The following MCU variants were observed in gnomAD, a reference collection of about 807,000 sequenced individuals.
The protein encoded by MCU is mitochondrial calcium uniporter, also known as calcium uniporter protein, mitochondrial.
MCU carries 12 observed loss-of-function variants against 45.2 expected under a neutral mutation model. The ratio of observed to expected loss-of-function variants is 0.27; its 90% CI spans 0.17 to 0.43. The LOEUF (loss-of-function observed/expected upper bound fraction) is 0.43. MCU is among the 20% of genes least tolerant of loss of function. The pLI is 1.00. For missense variants in MCU, 324 were observed against 436.7 expected, an observed-to-expected ratio of 0.74 and a Z score of 2.30; for synonymous variants, 160 against 165.1, an observed-to-expected ratio of 0.97 and a Z score of 0.24.
chr10:72,832,855 C>T (rs1196247367), intron 1 of MCU, among the ~76,000 whole-genome samples: 1 of 151,738 alleles, frequency 6.6e-6, no homozygotes, highest in Non-Finnish European at 1.5e-5. Context: ...TACTGAACCA[C>T]AAAATGAACT....
intron 1 of MCU, among the ~76,000 whole-genome samples, chr10:72,778,097 A>G (rs1005006653): frequency 6.6e-6 from 1 of 152,226 alleles, no homozygotes; most frequent in African/African-American, 2.4e-5. Context: ...TACTACAGCC[A>G]CTATGGAGAA....
At chr10:72,777,156 C>T (rs1458968687) in intron 1 of MCU, among the ~76,000 whole-genome samples, 2 of 152,088 alleles carry the variant, frequency 1.3e-5, no homozygotes, top group Non-Finnish European at 1.5e-5. Context: ...CAGTGCAATC[C>T]CTATCAAAAT....
intron 1 of MCU, among the ~76,000 whole-genome samples, chr10:72,789,485 A>G (rs1256060101): frequency 6.6e-6 from 1 of 152,134 alleles, no homozygotes; most frequent in African/African-American, 2.4e-5. Flanking sequence ...TGCTAGCTTT[A>G]TGTCATCTTA....
At chr10:72,723,075 A>T (rs922817562) in intron 1 of MCU, among the ~76,000 whole-genome samples, 8 of 152,198 alleles carry the variant, frequency 5.3e-5, no homozygotes, top group African/African-American at 1.9e-4. Flanking sequence ...AGGTGCCTGT[A>T]GTCCCAGCAA....
chr10:72,797,700 A>G (rs1554824478), intron 1 of MCU, among the ~76,000 whole-genome samples: 1 of 150,710 alleles, frequency 6.6e-6, no homozygotes, highest in Non-Finnish European at 1.5e-5. Flanking sequence ...ACGCCCGGCT[A>G]GTTTTTATAT....
rs1206044745 is a variant in MCU, at chr10:72,886,276, T to C, written c.*454T>C. On this transcript the variant is annotated 3_prime_UTR_variant, in exon 8 of 8. Coordinates refer to ENST00000373053, the MANE Select transcript of MCU (RefSeq NM_138357.3). ...CAAATTCTCATGATATGCTAAAATA[T>C]CATTAGCATTTATTTTAAATTGGAC... The C allele has an allele frequency of 1.3e-5, 2 of 153,928 alleles. No individual in the cohort carries two copies. Among genetic ancestry groups the C allele is most frequent in the African/African-American group, 4.8e-5 (2 of 41,484 alleles). 9.5% of individuals were successfully genotyped at this position (153,928 alleles called of 1,614,324 possible).
intron 2 of MCU, among the ~76,000 whole-genome samples, chr10:72,852,810 T>C (rs1845227490): frequency 6.6e-6 from 1 of 152,228 alleles, no homozygotes; most frequent in Non-Finnish European, 1.5e-5. Flanking sequence ...TTTGGCTGAA[T>C]TCTAAACCAC....
chr10:72,717,605 G>A (rs933073097), intron 1 of MCU, among the ~76,000 whole-genome samples: 18 of 152,242 alleles, frequency 1.2e-4, no homozygotes, highest in Non-Finnish European at 1.9e-4. Flanking sequence ...TATATACTCA[G>A]AAAGGTTGGC....
intron 1 of MCU, among the ~76,000 whole-genome samples, chr10:72,717,259 GCTT>G: frequency 6.6e-6 from 1 of 150,996 alleles, no homozygotes. Context: ...CTAGGGGATT[GCTT>G]CTTTTTTTTT....
Position 72,860,519 on chromosome 10 carries a change from C to A in MCU, c.488C>A (p.Pro163Gln). 1 of 1,611,696 alleles carries A rather than the reference C, an allele frequency of 6.2e-7. No homozygotes were observed. The highest frequency in any genetic ancestry group is 8.5e-7 in the Non-Finnish European group (1 of 1,178,306). The change falls in exon 4 of 8, where the codon CCA becomes CAA. Residue 163 changes from proline to glutamine, a missense_variant. Physicochemically the swap from Pro to Gln is moderately conservative, Grantham distance 76. Transcript: ENST00000373053. Reference sequence around the variant, plus strand: ...GACTTAACATACCACGTACGACCACCAAAAAGAGGTAAAATAGTAACCTTG... The same window carrying A: ...GACTTAACATACCACGTACGACCACAAAAAAGAGGTAAAATAGTAACCTTG... ...INDLTYHVRP[P>Q]KRDLLSHENA...
chr10:72,872,334 C>A (rs1173175912), intron 6 of MCU, among the ~76,000 whole-genome samples: 4 of 151,912 alleles, frequency 2.6e-5, no homozygotes, highest in Non-Finnish European at 5.9e-5. Flanking sequence ...AACTATTGAA[C>A]ACTAGAGCTT....
chr10:72,871,293 G>GT (rs1200403988), intron 5 of MCU, 84 bp from the exon 6 acceptor site: 2 of 1,231,574 alleles, frequency 1.6e-6, no homozygotes, highest in African/African-American at 1.5e-5. Flanking sequence ...GATGAGCCCT[G>GT]TTTCTTTAGT....
chr10:72,774,870 G>A (rs573819492), intron 1 of MCU, among the ~76,000 whole-genome samples: 1 of 152,044 alleles, frequency 6.6e-6, no homozygotes, highest in Non-Finnish European at 1.5e-5. Context: ...AAATGTCTAT[G>A]TACCCAATAC....
At chr10:72,801,496 T>G (rs1389489529) in intron 1 of MCU, among the ~76,000 whole-genome samples, 1 of 151,570 alleles carries the variant, frequency 6.6e-6, no homozygotes, top group Non-Finnish European at 1.5e-5. Context: ...TGTAGTTTCA[T>G]GTTCTTCACA....
chr10:72,754,603 C>T (rs754545448), intron 1 of MCU, among the ~76,000 whole-genome samples: 31 of 152,200 alleles, frequency 2.0e-4, no homozygotes, highest in Non-Finnish European at 4.3e-4. Context: ...AAAAATTAGC[C>T]AGGCATGTTG....
At chr10:72,833,285 G>T (rs905548122) in intron 1 of MCU, among the ~76,000 whole-genome samples, 2 of 152,150 alleles carry the variant, frequency 1.3e-5, no homozygotes, top group African/African-American at 4.8e-5. Flanking sequence ...TTGACTAGAA[G>T]TAATTCCTAA....
chr10:72,876,099 A>T (rs1845613012), intron 6 of MCU, among the ~76,000 whole-genome samples: 1 of 152,214 alleles, frequency 6.6e-6, no homozygotes. Flanking sequence ...CCTAGCCTTT[A>T]ATACCCTTTA....
At chr10:72,858,522 G>A (rs1038431276) in intron 2 of MCU, among the ~76,000 whole-genome samples, 1 of 152,170 alleles carries the variant, frequency 6.6e-6, no homozygotes, top group African/African-American at 2.4e-5. Flanking sequence ...CCTTAGGAAA[G>A]AATGCCTAAT....
intron 4 of MCU, among the ~76,000 whole-genome samples, chr10:72,864,368 TGACATTGCAA>T (rs1407142458): frequency 1.3e-5 from 2 of 152,270 alleles, no homozygotes; most frequent in South Asian, 4.1e-4. Context: ...AAAAGTGATA[TGACATTGCAA>T]GAAAAAGTTG....
Sources: allele counts gnomAD v4.1 joint callset (sites outside exome capture counted in the v4.1 genomes callset), GRCh38; gene constraint gnomAD v4.1.1; transcripts MANE v1.5; gene names NCBI Gene and HGNC (gene_info 2026-07-23, HGNC 2026-07-21).